The following NCAPH variants were observed in gnomAD, a reference collection of about 807,000 sequenced individuals.
NCAPH encodes the protein condensin complex subunit 2.
In NCAPH, 38 loss-of-function variants were observed where a neutral mutation model predicts 85.5. The ratio of observed to expected loss-of-function variants is 0.44; its 90% CI spans 0.34 to 0.58. The LOEUF (loss-of-function observed/expected upper bound fraction) is 0.58. Ranked by LOEUF, NCAPH falls within the 20% of genes least tolerant of loss-of-function variation. NCAPH has a pLI of 0.01. For synonymous variants in NCAPH, 301 were observed against 335.1 expected, an observed-to-expected ratio of 0.90 and a Z score of 1.11; for missense variants, 789 against 916.6, an observed-to-expected ratio of 0.86 and a Z score of 1.80.
At chr2:96,362,084 T>C (rs968845389) in intron 12 of NCAPH, among the ~76,000 whole-genome samples, 5 of 151,954 alleles carry the variant, frequency 3.3e-5, no homozygotes, top group African/African-American at 1.2e-4. Flanking sequence ...TATGTTTTTC[T>C]TTCTGATCAA....
At chr2:96,373,219 G>C in intron 17 of NCAPH, 73 bp from the exon 18 acceptor site, 3 of 1,307,502 alleles carry the variant, frequency 2.3e-6, no homozygotes, top group Admixed American at 3.5e-5. Context: ...ACTACCTTGT[G>C]ACTGTGATTG....
At chr2:96,369,141 A>G (rs2064738892) in intron 16 of NCAPH, 78 bp downstream of exon 16, 7 of 1,344,226 alleles carry the variant, frequency 5.2e-6, no homozygotes, top group South Asian at 1.3e-5. Flanking sequence ...TCCACACACA[A>G]CCTGTTTCCT....
chr2:96,338,106 T>G (rs2064239851), intron 1 of NCAPH, among the ~76,000 whole-genome samples: 1 of 152,046 alleles, frequency 6.6e-6, no homozygotes, highest in Admixed American at 6.5e-5. Context: ...TTTGTATTTT[T>G]AGTAGAGACG....
In NCAPH at chr2:96,366,073, G is replaced by C. The variant is rs1388871790; in HGVS notation, c.1881+15G>C. 1 of 1,612,430 alleles carries C rather than the reference G, an allele frequency of 6.2e-7. No individual in the cohort carries two copies. Among genetic ancestry groups the C allele is most frequent in the Admixed American group, 1.7e-5 (1 of 59,960 alleles). The stretch of plus-strand genomic sequence containing the variant: ...AGCCTCAGAAGGTACGGATGAAACA[G>C]CTGAGAATTACATTGTTTGCCTGAA... On this transcript the variant is annotated intron_variant, in intron 14 of 17. Coordinates refer to ENST00000240423, the MANE Select transcript of NCAPH (RefSeq NM_015341.5).
In NCAPH at chr2:96,369,520, A is replaced by T; in HGVS notation, c.2166+20A>T. 1 of 1,603,750 alleles carries T rather than the reference A, an allele frequency of 6.2e-7. No homozygotes were observed. Among genetic ancestry groups the T allele is most frequent in the South Asian group, 1.1e-5 (1 of 90,866 alleles). On this transcript the variant is annotated intron_variant, in intron 17 of 17. Transcript: ENST00000240423. ...GAAAAGGTAGGTAATTAAGGTAAGC[A>T]TGGGAGTATTAGAGTATTCCCTGTT...
In NCAPH at chr2:96,359,250, C is replaced by T. The variant is rs114091019; in HGVS notation, c.1357+57C>T. On this transcript the variant is annotated intron_variant, in intron 10 of 17. Coordinates refer to ENST00000240423, the MANE Select transcript of NCAPH (RefSeq NM_015341.5). ...GAAGTAGTGTAGATGACCAGCCAGT[C>T]AGCAGTTAGCCAAGGAAAAGAAATG... 4,834 of 1,588,770 alleles carry T rather than the reference C, an allele frequency of 3.0e-3. 117 individuals are homozygous for T. In the African/African-American group the frequency reaches 0.058, roughly 19 times the overall value.
At chr2:96,371,873 G>T (rs2064778882) in intron 17 of NCAPH, among the ~76,000 whole-genome samples, 1 of 152,212 alleles carries the variant, frequency 6.6e-6, no homozygotes, top group Non-Finnish European at 1.5e-5. Context: ...CTCCCGTCTG[G>T]AGTCTGTTCC....
At chr2:96,351,667 C>CAAAA (rs368668931) in intron 6 of NCAPH, among the ~76,000 whole-genome samples, 164 bp from the exon 7 acceptor site, 4 of 54,222 alleles carry the variant, frequency 7.4e-5, no homozygotes, top group East Asian at 5.2e-4. Context: ...GACTCCATCT[C>CAAAA]AAAAAAAAAA....
chr2:96,369,622 G>A, intron 17 of NCAPH, 122 bp downstream of exon 17: 2 of 1,016,730 alleles, frequency 2.0e-6, no homozygotes, highest in South Asian at 1.4e-5. Flanking sequence ...GACTTATGTA[G>A]CACCTTCAAC....
At chr2:96,369,128 C>A in intron 16 of NCAPH, 65 bp downstream of exon 16, 3 of 1,432,520 alleles carry the variant, frequency 2.1e-6, no homozygotes, top group African/African-American at 1.4e-5. Flanking sequence ...GCGTGGCAGG[C>A]CTTCCACACA....
At chr2:96,364,440 C>T (rs754548024) in intron 12 of NCAPH, 41 bp from the exon 13 acceptor site, 1 of 1,359,796 alleles carries the variant, frequency 7.4e-7, no homozygotes, top group Admixed American at 1.8e-5. Context: ...AGTTCAGTAG[C>T]TTTTAACAAA....
At chr2:96,348,346 T>C (rs1226940052) in intron 6 of NCAPH, among the ~76,000 whole-genome samples, 6 of 151,718 alleles carry the variant, frequency 4.0e-5, no homozygotes, top group Non-Finnish European at 7.4e-5. Flanking sequence ...CCCGCCACCA[T>C]GCCCGGCTAA....
chr2:96,335,829 G>A lies in NCAPH; in HGVS notation c.-1G>A, dbSNP rs369670146. 4.9e-4 allele frequency: 736 copies of A among 1,498,214 alleles called. 15 individuals are homozygous for A. In the East Asian group the frequency reaches 0.014, roughly 28 times the overall value. The allele number at this position is 1,498,214 out of a possible 1,614,324, so 92.8% of individuals were successfully genotyped here. Reference sequence around the variant, plus strand: ...ACCAGCTCAGGAGACGCCAAGGAAAGATGGGACCTCCCGGCCCAGGTGAGC... The same window carrying A: ...ACCAGCTCAGGAGACGCCAAGGAAAAATGGGACCTCCCGGCCCAGGTGAGC... On this transcript the variant is annotated 5_prime_UTR_variant, in exon 1 of 18. Coordinates refer to ENST00000240423, the MANE Select transcript of NCAPH (RefSeq NM_015341.5).
At chr2:96,336,501 A>G (rs1443705202) in intron 1 of NCAPH, among the ~76,000 whole-genome samples, 1 of 152,212 alleles carries the variant, frequency 6.6e-6, no homozygotes, top group Non-Finnish European at 1.5e-5. Context: ...AAAATGAGGC[A>G]GGGAAGAGCC....
At chr2:96,350,736 C>T (rs1318697549) in intron 6 of NCAPH, among the ~76,000 whole-genome samples, 7 of 152,100 alleles carry the variant, frequency 4.6e-5, no homozygotes, top group Admixed American at 6.6e-5. Context: ...GCTTGGACTC[C>T]GAGCTAAGGG....
intron 1 of NCAPH, 87 bp downstream of exon 1, chr2:96,335,935 C>A: frequency 8.7e-7 from 1 of 1,154,750 alleles, no homozygotes; most frequent in Non-Finnish European, 1.1e-6. Context: ...CTGGCCTGGG[C>A]GGGGAGAGAG....
chr2:96,357,811 T>G (rs1490323542), intron 9 of NCAPH, among the ~76,000 whole-genome samples: 1 of 152,226 alleles, frequency 6.6e-6, no homozygotes, highest in Non-Finnish European at 1.5e-5. Context: ...TTTTAGCTTA[T>G]TCCATATGGC....
chr2:96,342,443 C>T (rs1044348804), intron 3 of NCAPH, among the ~76,000 whole-genome samples: 2 of 152,188 alleles, frequency 1.3e-5, no homozygotes, highest in African/African-American at 4.8e-5. Flanking sequence ...ATTTTGCTTC[C>T]GTGTCCTCTG....
intron 16 of NCAPH, 61 bp from the exon 17 acceptor site, chr2:96,369,364 A>G: frequency 7.2e-7 from 1 of 1,396,048 alleles, no homozygotes. Flanking sequence ...TTCATACTTG[A>G]TGAACGAGCT....
Sources: gnomAD v4.1 joint callset for allele counts (sites outside exome capture counted in the v4.1 genomes callset) on GRCh38, gnomAD v4.1.1 for gene constraint, MANE v1.5 for transcripts, NCBI Gene and HGNC (gene_info 2026-07-23, HGNC 2026-07-21) for gene names.